Variants in KIF16B observed in about 807,000 individuals in gnomAD.
KIF16B encodes kinesin-like protein KIF16B.
Under a neutral mutation model 156.3 loss-of-function variants are expected in KIF16B, and 98 were observed. The ratio of observed to expected loss-of-function variants is 0.63; its 90% CI spans 0.53 to 0.74. KIF16B has a LOEUF of 0.74. Ranked by LOEUF, KIF16B falls within the 30% of genes least tolerant of loss-of-function variation. KIF16B has a pLI of 0.00. For synonymous variants in KIF16B, 564 were observed against 583.7 expected (o/e 0.97, Z 0.49); for missense variants, 1,421 against 1,606.5 (o/e 0.88, Z 1.97).
At chr20:16,288,357 T>C (rs1229235569) in intron 25 of KIF16B, among the ~76,000 whole-genome samples, 1 of 152,210 alleles carries the variant, frequency 6.6e-6, no homozygotes, top group African/African-American at 2.4e-5. Flanking sequence ...CAGGGTCCAA[T>C]TTAGAGAACC....
chr20:16,517,325 T>G (rs556515418), intron 3 of KIF16B, among the ~76,000 whole-genome samples: 1 of 152,380 alleles, frequency 6.6e-6, no homozygotes, highest in African/African-American at 2.4e-5. Flanking sequence ...CATTTTAGCT[T>G]TAAGAGCTGA....
At chr20:16,323,988 G>A (rs1254562888) in intron 24 of KIF16B, among the ~76,000 whole-genome samples, 1 of 151,902 alleles carries the variant, frequency 6.6e-6, no homozygotes, top group East Asian at 1.9e-4. Flanking sequence ...ATTCAGGCAT[G>A]ACCCAGTGAA....
intron 22 of KIF16B, among the ~76,000 whole-genome samples, chr20:16,359,672 A>C (rs1412330490): frequency 1.3e-5 from 2 of 152,020 alleles, no homozygotes; most frequent in Non-Finnish European, 2.9e-5. Context: ...AAAAAAAAAA[A>C]AACCCTGCCT....
At position 16,385,441 on chromosome 20, in the gene KIF16B, C is replaced by T. The variant is rs144989562; in HGVS notation, c.1785-3694G>A. Among the ~76,000 whole-genome samples, 472 of 152,250 alleles carry T rather than the reference C, an allele frequency of 3.1e-3. 4 individuals carry two copies. Among genetic ancestry groups the T allele is most frequent in the Non-Finnish European group, 5.3e-3 (362 of 68,012 alleles). ...GGGGCAGGAAGGCAGAACATAACTACAAAGAGACTGAGCCCAGAGATCAGC... is the reference window on the plus strand; with the variant it reads ...GGGGCAGGAAGGCAGAACATAACTATAAAGAGACTGAGCCCAGAGATCAGC... On this transcript the variant is annotated intron_variant, in intron 17 of 25. Coordinates refer to ENST00000354981, the MANE Select transcript of KIF16B (RefSeq NM_024704.5).
intron 24 of KIF16B, among the ~76,000 whole-genome samples, chr20:16,325,783 T>C (rs1198082250): frequency 6.6e-6 from 1 of 151,422 alleles, no homozygotes; most frequent in East Asian, 1.9e-4. Context: ...TTCACAGAAC[T>C]AGAAAAGAAA....
chr20:16,314,838 C>T (rs1438633941), intron 24 of KIF16B, among the ~76,000 whole-genome samples: 1 of 152,034 alleles, frequency 6.6e-6, no homozygotes, highest in East Asian at 1.9e-4. Context: ...GGAACCTGGA[C>T]TCAGTGGCAC....
At chr20:16,367,442 G>C (rs745788982) in intron 22 of KIF16B, 1 of 1,612,872 alleles carries the variant, frequency 6.2e-7, no homozygotes, top group Non-Finnish European at 8.5e-7. Flanking sequence ...TGTGCACCCG[G>C]AGGAGGTATG....
chr20:16,402,441 G>A (rs2065679073), intron 17 of KIF16B, among the ~76,000 whole-genome samples: 1 of 152,174 alleles, frequency 6.6e-6, no homozygotes, highest in East Asian at 1.9e-4. Flanking sequence ...AGGATTTGTT[G>A]ACAGATGAAT....
intron 1 of KIF16B, among the ~76,000 whole-genome samples, chr20:16,546,705 G>A (rs1435064636): frequency 1.3e-5 from 2 of 152,164 alleles, no homozygotes; most frequent in East Asian, 1.9e-4. Flanking sequence ...TCAACTCAAT[G>A]CAGAGGCACA....
chr20:16,288,195 G>A (rs1454461911), intron 25 of KIF16B, among the ~76,000 whole-genome samples: 2 of 152,176 alleles, frequency 1.3e-5, no homozygotes, highest in African/African-American at 4.8e-5. Flanking sequence ...GTCTTATGCA[G>A]CTACCATGCT....
At position 16,418,214 on chromosome 20, in the gene KIF16B, T is replaced by C. The variant is rs1189252487; in HGVS notation, c.1612+8890A>G. 4.6e-5 allele frequency among the ~76,000 whole-genome samples: 7 copies of C among 152,284 alleles called. No homozygotes were observed. In the East Asian group the frequency reaches 1.4e-3, roughly 29 times the overall value. ...GGGGTTAAACAGAATGACAAATATA[T>C]GTCTCATGTCCAGAAGTCTGGTGCA... On this transcript the variant is annotated intron_variant, in intron 15 of 25. Transcript: ENST00000354981.
intron 2 of KIF16B, among the ~76,000 whole-genome samples, chr20:16,527,408 T>C (rs533311843): frequency 1.3e-5 from 2 of 152,332 alleles, no homozygotes; most frequent in South Asian, 4.1e-4. Context: ...ACCCAATCCT[T>C]TGAGCCATAA....
At chr20:16,451,607 T>G (rs1009339729) in intron 12 of KIF16B, among the ~76,000 whole-genome samples, 2 of 151,880 alleles carry the variant, frequency 1.3e-5, no homozygotes, top group African/African-American at 4.8e-5. Flanking sequence ...CAAGTTCATT[T>G]AAGCTCTACC....
intron 23 of KIF16B, among the ~76,000 whole-genome samples, chr20:16,355,892 T>C (rs2064431530): frequency 6.6e-6 from 1 of 152,364 alleles, no homozygotes; most frequent in South Asian, 2.1e-4. Context: ...ATGCACACTT[T>C]ATACGCACTG....
chr20:16,494,212 T>C, intron 12 of KIF16B, 79 bp downstream of exon 12: 1 of 812,888 alleles, frequency 1.2e-6, no homozygotes, highest in Non-Finnish European at 2.0e-6. Context: ...CTGCCATGTT[T>C]GGAGATTAAA....
intron 17 of KIF16B, among the ~76,000 whole-genome samples, chr20:16,397,992 G>A (rs925155681): frequency 1.3e-5 from 2 of 152,236 alleles, no homozygotes. Flanking sequence ...GAAGCATAGT[G>A]CCTGCCCTCA....
intron 24 of KIF16B, among the ~76,000 whole-genome samples, chr20:16,318,486 C>T (rs2063729469): frequency 6.6e-6 from 1 of 152,108 alleles, no homozygotes; most frequent in African/African-American, 2.4e-5. Flanking sequence ...ATACACACGA[C>T]AAGCCTGAAG....
chr20:16,327,785 G>A (rs934055573), intron 24 of KIF16B, among the ~76,000 whole-genome samples: 1 of 152,090 alleles, frequency 6.6e-6, no homozygotes, highest in African/African-American at 2.4e-5. Flanking sequence ...TCAGGAAGCT[G>A]GCTGTATTCT....
chr20:16,404,711 G>A (rs995690578), intron 17 of KIF16B, 102 bp downstream of exon 17: 17 of 816,712 alleles, frequency 2.1e-5, no homozygotes, highest in Middle Eastern at 2.2e-4. Flanking sequence ...ATAAGGAGGC[G>A]CCGTTGCAGA....
Sources: gnomAD v4.1 joint callset for allele counts (sites outside exome capture counted in the v4.1 genomes callset) on GRCh38, gnomAD v4.1.1 for gene constraint, MANE v1.5 for transcripts, NCBI Gene and HGNC (gene_info 2026-07-23, HGNC 2026-07-21) for gene names.